The following SLIT2 variants were observed in gnomAD, a reference collection of about 807,000 sequenced individuals.
SLIT2 encodes slit guidance ligand 2.
In SLIT2, 41 loss-of-function variants were observed where a neutral mutation model predicts 185.7. The observed-to-expected ratio is 0.22, with a 90% CI of 0.17 to 0.29. The LOEUF (loss-of-function observed/expected upper bound fraction) is 0.29. Among genes scored for constraint, SLIT2 ranks in the 10% least tolerant of loss-of-function variants. The pLI is 1.00. For missense variants in SLIT2, 1,571 were observed against 1,909.0 expected, an observed-to-expected ratio of 0.82 and a Z score of 3.30; for synonymous variants, 693 against 680.2, an observed-to-expected ratio of 1.02 and a Z score of -0.29.
rs924202233 is a variant in SLIT2, at chr4:20,484,327, A to G, written c.540-1873A>G. ...TTAACCTTTGCATTCAAACATCAGG[A>G]TATATTTTAATGGCATTTGAAAAAG... On this transcript the variant is annotated intron_variant, in intron 6 of 36. Coordinates refer to ENST00000504154, the MANE Select transcript of SLIT2 (RefSeq NM_004787.4). The surrounding 1 kb of genome is among the most constrained non-coding windows in gnomAD (Gnocchi z 4.3). 2.0e-5 allele frequency among the ~76,000 whole-genome samples: 3 copies of G among 152,116 alleles called. No individual in the cohort carries two copies. Among genetic ancestry groups the G allele is most frequent in the African/African-American group, 7.2e-5 (3 of 41,416 alleles).
chr4:20,280,832 TG>T (rs1174134527), intron 4 of SLIT2, among the ~76,000 whole-genome samples: 20 of 145,766 alleles, frequency 1.4e-4, no homozygotes, highest in African/African-American at 2.9e-4. Flanking sequence ...ATTAAAAAAA[TG>T]TTTTTTTTTT....
Position 20,568,912 on chromosome 4 carries a change from TTGA to T in SLIT2, c.3001_3003del (p.Asp1001del). 6.2e-7 allele frequency: 1 copy of T among 1,612,292 alleles called. No individual in the cohort carries two copies. The highest frequency in any genetic ancestry group is 8.5e-7 in the Non-Finnish European group (1 of 1,178,578). ...GAAGGAGAAAATTGTGAAGTCAACGTTGATGATTGTGAAGATAATGACTGTGAA... is the reference window on the plus strand; with the variant it reads ...GAAGGAGAAAATTGTGAAGTCAACGTTGATTGTGAAGATAATGACTGTGAA... On this transcript the variant is annotated inframe_deletion, in exon 29 of 37. Coordinates refer to ENST00000504154, the MANE Select transcript of SLIT2 (RefSeq NM_004787.4).
intron 4 of SLIT2, among the ~76,000 whole-genome samples, chr4:20,325,170 C>T (rs1298878551): frequency 6.6e-6 from 1 of 151,744 alleles, no homozygotes; most frequent in African/African-American, 2.4e-5. Context: ...TCTTATCTTT[C>T]GCCATATACA....
intron 9 of SLIT2, among the ~76,000 whole-genome samples, chr4:20,497,884 A>G (rs1718371265): frequency 6.6e-6 from 1 of 152,014 alleles, no homozygotes; most frequent in African/African-American, 2.4e-5. Context: ...AAAACAAAAC[A>G]AAACAAAAAA....
At chr4:20,456,039 A>G (rs1713027107) in intron 4 of SLIT2, among the ~76,000 whole-genome samples, 1 of 152,156 alleles carries the variant, frequency 6.6e-6, no homozygotes, top group Non-Finnish European at 1.5e-5. Context: ...CAAAGTCAGA[A>G]TTGAGTATAT....
intron 4 of SLIT2, among the ~76,000 whole-genome samples, chr4:20,444,795 C>T (rs1711584958): frequency 6.6e-6 from 1 of 152,180 alleles, no homozygotes; most frequent in Non-Finnish European, 1.5e-5. Flanking sequence ...CTACCTCCCA[C>T]TGCATTGCAA....
chr4:20,501,912 G>A (rs1331150188), intron 9 of SLIT2, among the ~76,000 whole-genome samples: 2 of 152,168 alleles, frequency 1.3e-5, no homozygotes, highest in Non-Finnish European at 2.9e-5. Flanking sequence ...TCCACTATGT[G>A]CAGAGAAACC....
intron 4 of SLIT2, chr4:20,364,309 T>G: frequency 7.1e-6 from 7 of 982,264 alleles, no homozygotes; most frequent in Non-Finnish European, 8.5e-6. Context: ...CAATAATGGT[T>G]CAAGTAATTG....
Position 20,528,747 on chromosome 4 carries a change from G to A in SLIT2, c.1463-202G>A, listed in dbSNP as rs1721520289. Among the ~76,000 whole-genome samples, 1 of 152,108 alleles carries A rather than the reference G, an allele frequency of 6.6e-6. No homozygotes were observed. Among genetic ancestry groups the A allele is most frequent in the Non-Finnish European group, 1.5e-5 (1 of 68,032 alleles). ...AGCTCAACTTTATTAATGTTTTCCT[G>A]TCATGTGAATCTGGTCACTCTTTTT... On this transcript the variant is annotated intron_variant, in intron 15 of 36. Transcript: ENST00000504154. The surrounding 1 kb of genome is among the most constrained non-coding windows in gnomAD (Gnocchi z 4.2).
chr4:20,538,780 T>TAA lies in SLIT2; in HGVS notation c.1833-645_1833-644dup, dbSNP rs35129347. Among the ~76,000 whole-genome samples, 171 of 121,126 alleles carry TAA rather than the reference T, an allele frequency of 1.4e-3. 1 individual carries two copies. In the East Asian group the frequency reaches 0.017, roughly 12 times the overall value. 79.5% of individuals were successfully genotyped at this position (121,126 alleles called of 152,430 possible). On this transcript the variant is annotated intron_variant, in intron 18 of 36. Transcript: ENST00000504154. ...GTGTTAATCCTATAATGACAATGAC[T>TAA]AAAAAAAAAAAAAAAAAGGTATTTT... is the stretch of plus-strand genomic sequence containing the variant.
chr4:20,541,216 A>G (rs1013206150), intron 19 of SLIT2, among the ~76,000 whole-genome samples: 1 of 152,180 alleles, frequency 6.6e-6, no homozygotes, highest in East Asian at 1.9e-4. Context: ...AAATCATGTG[A>G]AGAATTACCT....
In SLIT2 at chr4:20,506,392, A is replaced by G. The variant is rs189125229; in HGVS notation, c.915-4103A>G. ...TTTTTGGAATCCCAGAATGTTTTTAATTAGGTTCTTTATGGAACAATGGAT... is the reference window on the plus strand; with the variant it reads ...TTTTTGGAATCCCAGAATGTTTTTAGTTAGGTTCTTTATGGAACAATGGAT... On this transcript the variant is annotated intron_variant, in intron 9 of 36. Transcript: ENST00000504154. Among the ~76,000 whole-genome samples the G allele has an allele frequency of 2.2e-3, 334 of 152,108 alleles. 1 individual carries two copies. The highest frequency in any genetic ancestry group is 3.8e-3 in the Non-Finnish European group (255 of 67,872).
intron 29 of SLIT2, among the ~76,000 whole-genome samples, chr4:20,569,566 A>G (rs1725391304): frequency 6.6e-6 from 1 of 152,056 alleles, no homozygotes. Context: ...ATTAATTGCT[A>G]AACTTCCTCC....
chr4:20,567,259 C>T lies in SLIT2; in HGVS notation c.2726-3C>T, dbSNP rs752751543. 5.6e-6 allele frequency: 9 copies of T among 1,594,544 alleles called. No individual in the cohort carries two copies. The highest frequency in any genetic ancestry group is 7.7e-6 in the Non-Finnish European group (9 of 1,173,594). Reference sequence around the variant, plus strand: ...TTGCTTATATTTTTGAATTAATTTTCAGGTCCTGTGGATGTCAATATTCTA... The same window carrying T: ...TTGCTTATATTTTTGAATTAATTTTTAGGTCCTGTGGATGTCAATATTCTA... On this transcript the variant is annotated splice_region_variant and splice_polypyrimidine_tract_variant and intron_variant, in intron 26 of 36. Transcript: ENST00000504154.
chr4:20,280,096 G>A (rs1432663363), intron 4 of SLIT2, among the ~76,000 whole-genome samples: 3 of 152,112 alleles, frequency 2.0e-5, no homozygotes, highest in Non-Finnish European at 4.4e-5. Context: ...CACTTTGGGA[G>A]GCGGAGGTGG....
At position 20,501,603 on chromosome 4, in the gene SLIT2, A is replaced by G. The variant is rs542287202; in HGVS notation, c.915-8892A>G. Among the ~76,000 whole-genome samples, 4 of 152,280 alleles carry G rather than the reference A, an allele frequency of 2.6e-5. No individual in the cohort carries two copies. The South Asian group carries it at 8.3e-4, about 32-fold the overall frequency. ...CCGGCAGATTCTCATGTTAATTCTT[A>G]GTTATCATTAGCCACACTCAGTGTA... is the stretch of plus-strand genomic sequence containing the variant. On this transcript the variant is annotated intron_variant, in intron 9 of 36. Transcript: ENST00000504154.
intron 11 of SLIT2, among the ~76,000 whole-genome samples, chr4:20,518,188 T>G (rs1720412987): frequency 7.2e-6 from 1 of 139,130 alleles, no homozygotes; most frequent in Non-Finnish European, 1.5e-5. Context: ...TATATATACA[T>G]ATACATACAT....
intron 4 of SLIT2, among the ~76,000 whole-genome samples, chr4:20,401,820 A>G (rs1726386728): frequency 6.6e-6 from 1 of 151,932 alleles, no homozygotes; most frequent in South Asian, 2.1e-4. Flanking sequence ...ACAAGTTAAT[A>G]CAGGGAAAGC....
intron 12 of SLIT2, among the ~76,000 whole-genome samples, chr4:20,522,967 A>G (rs1335822053): frequency 6.6e-6 from 1 of 152,134 alleles, no homozygotes; most frequent in Non-Finnish European, 1.5e-5. Context: ...AAAAATGTAT[A>G]TATTTTAGAA....
Sources: gnomAD v4.1 joint callset for allele counts (sites outside exome capture counted in the v4.1 genomes callset) on GRCh38, gnomAD v4.1.1 for gene constraint, Gnocchi (gnomAD v3.1) non-coding constraint, MANE v1.5 for transcripts, NCBI Gene and HGNC (gene_info 2026-07-23, HGNC 2026-07-21) for gene names.